TAOK3: variants seen among roughly 807,000 people sequenced by gnomAD.
TAOK3 encodes the protein serine/threonine-protein kinase TAO3.
In TAOK3, 40 loss-of-function variants were observed where a neutral mutation model predicts 120.4. The ratio of observed to expected loss-of-function variants is 0.33; its 90% CI spans 0.26 to 0.43. The LOEUF (loss-of-function observed/expected upper bound fraction) is 0.43. TAOK3 is among the 20% of genes least tolerant of loss of function. TAOK3 has a pLI of 1.00. For synonymous variants in TAOK3, 355 were observed against 387.5 expected (o/e 0.92, Z 0.99); for missense variants, 821 against 1,112.1 (o/e 0.74, Z 3.72).
chr12:118,251,771 C>T (rs553253886), intron 3 of TAOK3, among the ~76,000 whole-genome samples: 1 of 151,358 alleles, frequency 6.6e-6, no homozygotes, highest in Non-Finnish European at 1.5e-5. Flanking sequence ...TCAAAGCATG[C>T]TTGGTTTATT....
intron 13 of TAOK3, among the ~76,000 whole-genome samples, chr12:118,198,169 T>G (rs1313156616): frequency 6.6e-6 from 1 of 152,136 alleles, no homozygotes; most frequent in African/African-American, 2.4e-5. Flanking sequence ...ATAGCTTCTA[T>G]GGCCTTCCCC....
chr12:118,184,124 A>G (rs1314118939), intron 14 of TAOK3, among the ~76,000 whole-genome samples: 1 of 152,222 alleles, frequency 6.6e-6, no homozygotes, highest in Non-Finnish European at 1.5e-5. Flanking sequence ...GAATTCCAGG[A>G]GAGACATTTT....
At chr12:118,354,558 C>T (rs865888789) in intron 1 of TAOK3, among the ~76,000 whole-genome samples, 4 of 151,962 alleles carry the variant, frequency 2.6e-5, no homozygotes, top group African/African-American at 4.8e-5. Flanking sequence ...GAGGCCAGAC[C>T]GGATTTGGCT....
chr12:118,239,693 CAGTA>C (rs1266518626), intron 5 of TAOK3, among the ~76,000 whole-genome samples: 1 of 152,080 alleles, frequency 6.6e-6, no homozygotes, highest in East Asian at 1.9e-4. Flanking sequence ...TAAAATAAAC[CAGTA>C]AGTAGTAAAT....
intron 1 of TAOK3, among the ~76,000 whole-genome samples, chr12:118,333,834 T>TAA (rs201739458): frequency 0.022 from 2,948 of 135,444 alleles, 100 homozygotes; most frequent in African/African-American, 0.074. Context: ...GGGTATTTTA[T>TAA]AAAAAAAAAA....
At chr12:118,335,684 T>A (rs1223336277) in intron 1 of TAOK3, among the ~76,000 whole-genome samples, 1 of 151,918 alleles carries the variant, frequency 6.6e-6, no homozygotes, top group Non-Finnish European at 1.5e-5. Flanking sequence ...TACAAAAAAT[T>A]ACCCGGGCGT....
chr12:118,199,372 C>T (rs1401295655), intron 12 of TAOK3, 115 bp from the exon 13 acceptor site: 3 of 774,116 alleles, frequency 3.9e-6, no homozygotes, highest in Non-Finnish European at 6.6e-6. Flanking sequence ...TTCTGCCAAT[C>T]TGCAAAGACA....
chr12:118,342,436 T>C (rs972084208), intron 1 of TAOK3, among the ~76,000 whole-genome samples: 2 of 152,208 alleles, frequency 1.3e-5, no homozygotes, highest in Non-Finnish European at 2.9e-5. Context: ...AGTAATAAAA[T>C]AGTACATTTC....
At chr12:118,264,203 T>A (rs983643656) in intron 2 of TAOK3, among the ~76,000 whole-genome samples, 11 of 152,296 alleles carry the variant, frequency 7.2e-5, no homozygotes, top group African/African-American at 2.4e-4. Context: ...CATACACCTA[T>A]CATATGATGT....
chr12:118,233,391 T>C (rs2039872591), intron 9 of TAOK3, among the ~76,000 whole-genome samples: 1 of 150,196 alleles, frequency 6.7e-6, no homozygotes, highest in South Asian at 2.1e-4. Flanking sequence ...ACCCTAAAAC[T>C]TAAAGTGTAA....
chr12:118,332,147 T>C (rs566560291), intron 1 of TAOK3, among the ~76,000 whole-genome samples: 12 of 152,342 alleles, frequency 7.9e-5, no homozygotes, highest in African/African-American at 2.6e-4. Flanking sequence ...TTAACACCTA[T>C]GATACCTATG....
At chr12:118,241,336 T>G (rs1410822674) in intron 5 of TAOK3, among the ~76,000 whole-genome samples, 1 of 152,088 alleles carries the variant, frequency 6.6e-6, no homozygotes, top group Non-Finnish European at 1.5e-5. Context: ...GTGCCCTACT[T>G]TTTCTTTAAT....
At chr12:118,227,313 T>A (rs1593225751) in intron 9 of TAOK3, among the ~76,000 whole-genome samples, 1 of 147,756 alleles carries the variant, frequency 6.8e-6, no homozygotes. Flanking sequence ...TATAAATATA[T>A]AAAATATAAA....
In TAOK3 at chr12:118,172,524, T is replaced by C. The variant is rs555589014; in HGVS notation, c.1832A>G (p.Asn611Ser). Residue 611 changes from asparagine to serine, a missense_variant, in exon 17 of 21, where the codon AAT (asparagine) becomes AGT (serine). Around this residue, in one of 2 missense-constraint regions of TAOK3, gnomAD observed 354 missense variants for 572.1 expected, o/e 0.62. Coordinates refer to ENST00000392533, the MANE Select transcript of TAOK3 (RefSeq NM_016281.4). Reference protein sequence around the residue: ...LTQQRLYYDKNCRFFKRKIMI... With the variant: ...LTQQRLYYDKSCRFFKRKIMI... ...TATTTTCCGCTTGAAGAAACGACAA[T>C]TTTTGTCGTAGTACAGTCTCTGTTG... 329 of 1,614,144 alleles carry C rather than the reference T, an allele frequency of 2.0e-4. No homozygotes were observed. The highest frequency in any genetic ancestry group is 2.7e-4 in the Non-Finnish European group (316 of 1,180,024).
Position 118,247,041 on chromosome 12 carries a change from T to A in TAOK3, c.121-2076A>T, listed in dbSNP as rs930569123. On this transcript the variant is annotated intron_variant, in intron 3 of 20. Transcript: ENST00000392533. ...AAAAGAATTTATACCAGAATATATA[T>A]CAGTGATAATCCCTGGAGCAGTGCT... is the stretch of plus-strand genomic sequence containing the variant. The A allele has an allele frequency of 9.0e-6, 6 of 667,876 alleles. No individual in the cohort carries two copies. The Admixed American group carries it at 1.3e-4, about 14-fold the overall frequency. 41.4% of individuals were successfully genotyped at this position (667,876 alleles called of 1,614,324 possible).
chr12:118,339,110 A>G (rs2044494059), intron 1 of TAOK3, among the ~76,000 whole-genome samples: 1 of 152,122 alleles, frequency 6.6e-6, no homozygotes, highest in South Asian at 2.1e-4. Context: ...TCACATGAAC[A>G]ACGTGGTGAC....
intron 17 of TAOK3, among the ~76,000 whole-genome samples, chr12:118,164,756 C>A (rs2035474097): frequency 6.6e-6 from 1 of 152,192 alleles, no homozygotes; most frequent in African/African-American, 2.4e-5. Flanking sequence ...GAGGGCCTCT[C>A]TTCTCTGATG....
chr12:118,199,073 C>A lies in TAOK3; in HGVS notation c.1172G>T (p.Ser391Ile), dbSNP rs758024847. 1 of 1,614,178 alleles carries A rather than the reference C, an allele frequency of 6.2e-7. No homozygotes were observed. Among genetic ancestry groups the A allele is most frequent in the East Asian group, 2.2e-5 (1 of 44,870 alleles). Residue 391 changes from serine to isoleucine, a missense_variant, in exon 13 of 21, where the codon AGC (serine) becomes ATC (isoleucine). Transcript: ENST00000392533. Reference sequence around the variant, plus strand: ...TACTTTCTTATGCACGACGGAGGAGCTGGAATTGATTGTGCTTTCGTCATC... The same window carrying A: ...TACTTTCTTATGCACGACGGAGGAGATGGAATTGATTGTGCTTTCGTCATC... ...MHDDESTINS[S>I]SSVVHKKDHV...
chr12:118,152,575 A>G (rs1461713843), intron 19 of TAOK3, 166 bp from the exon 20 acceptor site: 1 of 626,666 alleles, frequency 1.6e-6, no homozygotes, highest in Non-Finnish European at 2.7e-6. Flanking sequence ...AATCAAAAAC[A>G]GTCAAGTCTG....
Sources: gnomAD v4.1 joint callset for allele counts (sites outside exome capture counted in the v4.1 genomes callset) on GRCh38, gnomAD v4.1.1 for gene constraint, gnomAD v4.1.1 regional missense constraint, MANE v1.5 for transcripts, NCBI Gene and HGNC (gene_info 2026-07-23, HGNC 2026-07-21) for gene names.